PARD3B: variants seen among roughly 807,000 people sequenced by gnomAD.
The protein encoded by PARD3B is par-3 family cell polarity regulator beta, also known as partitioning defective 3 homolog B.
A neutral mutation model predicts 130.2 loss-of-function variants in PARD3B; 103 were observed. The observed-to-expected ratio is 0.79, with a 90% CI of 0.67 to 0.93. The LOEUF (loss-of-function observed/expected upper bound fraction) is 0.93, where lower values mean the gene tolerates loss of function less well. Among genes scored for constraint, PARD3B ranks in the 40% least tolerant of loss-of-function variants. The pLI is 0.00. For synonymous variants in PARD3B, 583 were observed against 553.2 expected (o/e 1.05, Z -0.76); for missense variants, 1,609 against 1,499.2 (o/e 1.07, Z -1.21).
At chr2:204,775,838 A>G (rs1283950577) in intron 2 of PARD3B, among the ~76,000 whole-genome samples, 1 of 152,128 alleles carries the variant, frequency 6.6e-6, no homozygotes, top group Non-Finnish European at 1.5e-5. Context: ...AATAAACACC[A>G]TGGTTAAATT....
chr2:205,180,543 A>G (rs1283560976), intron 13 of PARD3B, among the ~76,000 whole-genome samples: 1 of 151,934 alleles, frequency 6.6e-6, no homozygotes, highest in Non-Finnish European at 1.5e-5. Flanking sequence ...GACAAAATGT[A>G]ATGTCTAGTG....
rs1320337208 is a variant in PARD3B, at chr2:204,710,337, G to A, written c.222+24055G>A. The stretch of plus-strand genomic sequence containing the variant: ...CGTTTCCATATATTCTGAATGGAGG[G>A]AAAAAAGGTTACGAAACAGATCTCC... On this transcript the variant is annotated intron_variant, in intron 2 of 22. Transcript: ENST00000406610. Among the ~76,000 whole-genome samples the A allele has an allele frequency of 3.9e-5, 6 of 152,246 alleles. No individual in the cohort carries two copies. In the East Asian group the frequency reaches 9.6e-4, roughly 24 times the overall value.
chr2:204,736,883 A>G (rs551317580), intron 2 of PARD3B, among the ~76,000 whole-genome samples: 1 of 152,314 alleles, frequency 6.6e-6, no homozygotes, highest in South Asian at 2.1e-4. Flanking sequence ...GTACTAATTT[A>G]CATTCCCACC....
chr2:205,382,446 C>A (rs758685719), intron 18 of PARD3B, among the ~76,000 whole-genome samples: 5 of 152,068 alleles, frequency 3.3e-5, no homozygotes, highest in Non-Finnish European at 5.9e-5. Flanking sequence ...TTTCATTAAG[C>A]CATGTCCGCT....
intron 19 of PARD3B, among the ~76,000 whole-genome samples, chr2:205,425,086 C>T (rs934258388): frequency 3.3e-5 from 5 of 152,128 alleles, no homozygotes; most frequent in Admixed American, 2.0e-4. Context: ...TGGCCAGCAG[C>T]CTAGGGAACA....
At chr2:205,257,169 C>T (rs1025179859) in intron 16 of PARD3B, among the ~76,000 whole-genome samples, 61 of 152,250 alleles carry the variant, frequency 4.0e-4, no homozygotes, top group African/African-American at 1.4e-3. Flanking sequence ...ACCTAGATTA[C>T]TTCTCCTTGC....
rs2054376065 is a variant in PARD3B, at chr2:205,591,241, A to C, written c.3261-24215A>C. Reference sequence around the variant, plus strand: ...TGTACATTTTAGTGTATTTTGTATAAGTTTTTTCAATGAACATAGTCCATA... The same window carrying C: ...TGTACATTTTAGTGTATTTTGTATACGTTTTTTCAATGAACATAGTCCATA... On this transcript the variant is annotated intron_variant, in intron 22 of 22. Coordinates refer to ENST00000406610, the MANE Select transcript of PARD3B (RefSeq NM_001302769.2). This position sits in a 1 kb window ranked among gnomAD's most constrained non-coding sequence, Gnocchi z 4.2. Among the ~76,000 whole-genome samples, 1 of 152,196 alleles carries C rather than the reference A, an allele frequency of 6.6e-6. No homozygotes were observed. Among genetic ancestry groups the C allele is most frequent in the Admixed American group, 6.5e-5 (1 of 15,282 alleles).
Position 205,252,991 on chromosome 2 carries a change from GTTAAAC to G in PARD3B, c.2185+7174_2185+7179del, listed in dbSNP as rs377486014. Reference sequence around the variant, plus strand: ...AGAAAGCTTTGAGTATTTTTTTTAAGTTAAACTTAATGGGTAAGTAAAAAAGGGTAT... The same window carrying G: ...AGAAAGCTTTGAGTATTTTTTTTAAGTTAATGGGTAAGTAAAAAAGGGTAT... On this transcript the variant is annotated intron_variant, in intron 16 of 22. Coordinates refer to ENST00000406610, the MANE Select transcript of PARD3B (RefSeq NM_001302769.2). 2.5e-3 allele frequency among the ~76,000 whole-genome samples: 386 copies of G among 152,046 alleles called. 5 individuals carry two copies. Among genetic ancestry groups the G allele is most frequent in the South Asian group, 0.018 (89 of 4,822 alleles).
In PARD3B at chr2:204,906,409, G is replaced by A. The variant is rs1162754742; in HGVS notation, c.223-58743G>A. Among the ~76,000 whole-genome samples, 1 of 151,004 alleles carries A rather than the reference G, an allele frequency of 6.6e-6. No individual in the cohort carries two copies. Among genetic ancestry groups the A allele is most frequent in the East Asian group, 1.9e-4 (1 of 5,196 alleles). ...CCCTTTGTTTTCTCTTTTCATTGGT[G>A]TGTGTGTGTGTATGTATAAATGAAT... On this transcript the variant is annotated intron_variant, in intron 2 of 22. Transcript: ENST00000406610. The surrounding 1 kb of genome is among the most constrained non-coding windows in gnomAD (Gnocchi z 4.3).
In PARD3B at chr2:204,938,604, A is replaced by G. The variant is rs542937293; in HGVS notation, c.223-26548A>G. On this transcript the variant is annotated intron_variant, in intron 2 of 22. Transcript: ENST00000406610. ...CATTTATCTCATACTTTTCTTATTC[A>G]CTAGACTAGGGCTTCTCAACCATGG... Among the ~76,000 whole-genome samples, 204 of 152,286 alleles carry G rather than the reference A, an allele frequency of 1.3e-3. 1 individual carries two copies. The highest frequency in any genetic ancestry group is 4.6e-3 in the African/African-American group (190 of 41,564).
rs2048919363 is a variant in PARD3B at position 205,473,676 on chromosome 2, GTGTGTATGTA to G, written c.3045-26218_3045-26209del. 7.3e-5 allele frequency among the ~76,000 whole-genome samples: 7 copies of G among 95,934 alleles called. No homozygotes were observed. The highest frequency in any genetic ancestry group is 6.4e-4 in the Admixed American group (6 of 9,386). The allele number at this position is 95,934 out of a possible 152,430, so 62.9% of individuals were successfully genotyped here. A position where few individuals can be genotyped will look rare whatever the true frequency, so the allele number is the denominator to read the frequency against. ...TATATGTGTGTGTGTGTGTGTGTGT[GTGTGTATGTA>G]TATATATATATATATATATATATAC... On this transcript the variant is annotated intron_variant, in intron 20 of 22. Coordinates refer to ENST00000406610, the MANE Select transcript of PARD3B (RefSeq NM_001302769.2). The surrounding 1 kb of genome is among the most constrained non-coding windows in gnomAD (Gnocchi z 4.9).
chr2:205,072,041 A>C (rs16836888), intron 4 of PARD3B, among the ~76,000 whole-genome samples: 1 of 151,926 alleles, frequency 6.6e-6, no homozygotes, highest in African/African-American at 2.4e-5. Flanking sequence ...TCTTAAAAAT[A>C]TATGTAGTCT....
chr2:205,207,206 G>A (rs374589884), intron 15 of PARD3B, among the ~76,000 whole-genome samples: 3 of 135,856 alleles, frequency 2.2e-5, no homozygotes, highest in Non-Finnish European at 4.7e-5. Flanking sequence ...TCTCTGGGAC[G>A]CATTCAAAGC....
chr2:205,141,122 T>A (rs1274401971), intron 10 of PARD3B, among the ~76,000 whole-genome samples: 1 of 152,196 alleles, frequency 6.6e-6, no homozygotes, highest in Non-Finnish European at 1.5e-5. Context: ...TGAGTTTGGT[T>A]CTTCTTTCGG....
At chr2:205,119,271 C>T (rs965102293) in intron 7 of PARD3B, among the ~76,000 whole-genome samples, 4 of 152,146 alleles carry the variant, frequency 2.6e-5, no homozygotes, top group African/African-American at 9.7e-5. Flanking sequence ...ATATCACAAG[C>T]CTTCCTGCCT....
At chr2:205,371,003 G>A (rs1057149507) in intron 18 of PARD3B, among the ~76,000 whole-genome samples, 9 of 152,126 alleles carry the variant, frequency 5.9e-5, no homozygotes, top group Non-Finnish European at 8.8e-5. Context: ...GCTGAAGTGC[G>A]AGCCTCCACC....
chr2:205,557,663 A>G (rs2052951888), intron 22 of PARD3B, among the ~76,000 whole-genome samples: 2 of 152,208 alleles, frequency 1.3e-5, no homozygotes, highest in South Asian at 4.1e-4. Context: ...TAGTGCCGGT[A>G]TGAGTATTAA....
chr2:204,687,140 G>A (rs1188771733), intron 2 of PARD3B, among the ~76,000 whole-genome samples: 2 of 151,880 alleles, frequency 1.3e-5, no homozygotes, highest in Admixed American at 6.6e-5. Context: ...GTACATTTTT[G>A]TGTTTTACCT....
intron 4 of PARD3B, among the ~76,000 whole-genome samples, chr2:205,095,276 A>G (rs2125549600): frequency 6.6e-6 from 1 of 152,304 alleles, no homozygotes; most frequent in South Asian, 2.1e-4. Context: ...GAATCCAATT[A>G]TAAATAGAAA....
Sources: gnomAD v4.1 joint callset for allele counts (sites outside exome capture counted in the v4.1 genomes callset) on GRCh38, gnomAD v4.1.1 for gene constraint, Gnocchi (gnomAD v3.1) non-coding constraint, MANE v1.5 for transcripts, NCBI Gene and HGNC (gene_info 2026-07-23, HGNC 2026-07-21) for gene names.